Variants in DPP10 observed in about 807,000 individuals in gnomAD.
DPP10 encodes the protein inactive dipeptidyl peptidase 10.
In DPP10, 33 loss-of-function variants were observed where a neutral mutation model predicts 120.9. The observed-to-expected ratio is 0.27, with a 90% CI of 0.21 to 0.37. The LOEUF is 0.37. DPP10 is among the 10% of genes least tolerant of loss of function. The pLI, the probability that DPP10 is intolerant of heterozygous loss-of-function variation, is 1.00. For missense variants in DPP10, 816 were observed against 942.8 expected (o/e 0.87, Z 1.76); for synonymous variants, 337 against 326.1 (o/e 1.03, Z -0.36).
intron 1 of DPP10, among the ~76,000 whole-genome samples, chr2:115,229,459 G>A (rs2057621957): frequency 6.6e-6 from 1 of 152,078 alleles, no homozygotes; most frequent in Admixed American, 6.6e-5. Context: ...CAACTACAAT[G>A]TCCTGATTCC....
intron 1 of DPP10, among the ~76,000 whole-genome samples, chr2:115,292,466 G>A (rs1213834542): frequency 6.6e-6 from 1 of 152,042 alleles, no homozygotes; most frequent in Non-Finnish European, 1.5e-5. Flanking sequence ...CTTTTCTCAT[G>A]TCTCCATACT....
intron 1 of DPP10, among the ~76,000 whole-genome samples, chr2:115,092,304 G>T (rs2104566391): frequency 6.6e-6 from 1 of 152,148 alleles, no homozygotes; most frequent in Non-Finnish European, 1.5e-5. Flanking sequence ...CTCATTTCCA[G>T]AATGCTCTTG....
At chr2:115,621,809 C>T (rs1051408452) in intron 5 of DPP10, among the ~76,000 whole-genome samples, 1 of 152,104 alleles carries the variant, frequency 6.6e-6, no homozygotes, top group African/African-American at 2.4e-5. Flanking sequence ...TCCCAAGTAG[C>T]TGGGATTACA....
intron 1 of DPP10, among the ~76,000 whole-genome samples, chr2:114,891,243 C>G (rs1457715332): frequency 6.6e-6 from 1 of 152,008 alleles, no homozygotes; most frequent in Non-Finnish European, 1.5e-5. Context: ...AGACTAGCGT[C>G]AAGTGGGAGA....
At chr2:114,530,359 G>A (rs1219950120) in intron 1 of DPP10, among the ~76,000 whole-genome samples, 1 of 151,968 alleles carries the variant, frequency 6.6e-6, no homozygotes. Flanking sequence ...AGGCCAACCA[G>A]GACAGCAAAA....
At chr2:115,378,362 G>A (rs199733809) in intron 3 of DPP10, among the ~76,000 whole-genome samples, 7,015 of 150,052 alleles carry the variant, frequency 0.047, 241 homozygotes, top group Middle Eastern at 0.094. Flanking sequence ...TTTGTCTGTT[G>A]TTGGTGTATA....
chr2:115,368,648 G>A (rs1182491104), intron 3 of DPP10, among the ~76,000 whole-genome samples: 1 of 151,924 alleles, frequency 6.6e-6, no homozygotes, highest in Non-Finnish European at 1.5e-5. Context: ...CTAGATTAAA[G>A]TGTGGCAATT....
At chr2:115,289,499 A>ATTAGG (rs1192135414) in intron 1 of DPP10, among the ~76,000 whole-genome samples, 1 of 12,258 alleles carries the variant, frequency 8.2e-5, no homozygotes, top group African/African-American at 1.7e-4. Context: ...AAAAAAAAAA[A>ATTAGG]AAAAAGGAAG....
intron 1 of DPP10, among the ~76,000 whole-genome samples, chr2:115,242,975 T>A (rs890499350): frequency 6.6e-6 from 1 of 152,192 alleles, no homozygotes; most frequent in Admixed American, 6.6e-5. Flanking sequence ...TGGTGATACT[T>A]CTATCACTCA....
chr2:114,822,411 T>G (rs2106361740), intron 1 of DPP10, among the ~76,000 whole-genome samples: 1 of 152,214 alleles, frequency 6.6e-6, no homozygotes, highest in East Asian at 1.9e-4. Context: ...AGACCATTTT[T>G]TCCTCTTAGC....
At chr2:115,233,627 C>T (rs185090318) in intron 1 of DPP10, among the ~76,000 whole-genome samples, 4 of 152,122 alleles carry the variant, frequency 2.6e-5, no homozygotes, top group Admixed American at 6.6e-5. Context: ...GATAGTTTTT[C>T]TTAGGGACTC....
intron 1 of DPP10, among the ~76,000 whole-genome samples, chr2:114,851,319 G>A (rs1278217874): frequency 6.6e-6 from 1 of 152,056 alleles, no homozygotes; most frequent in Non-Finnish European, 1.5e-5. Flanking sequence ...GTTACTGAAG[G>A]CAACCCTAAT....
chr2:115,318,091 C>T (rs1220147952), intron 2 of DPP10, among the ~76,000 whole-genome samples: 1 of 151,862 alleles, frequency 6.6e-6, no homozygotes, highest in African/African-American at 2.4e-5. Context: ...CTACATGGGT[C>T]ATTGATTCAT....
intron 3 of DPP10, among the ~76,000 whole-genome samples, chr2:115,379,984 A>G (rs539869733): frequency 4.7e-4 from 71 of 152,260 alleles, no homozygotes; most frequent in Middle Eastern, 3.4e-3. Flanking sequence ...TATGTGGTCA[A>G]TTTTGGAATC....
At chr2:114,632,571 G>A (rs912766203) in intron 1 of DPP10, among the ~76,000 whole-genome samples, 1 of 132,672 alleles carries the variant, frequency 7.5e-6, no homozygotes, top group African/African-American at 2.8e-5. Context: ...GGAGTGTAGT[G>A]GTGCGATCTC....
intron 1 of DPP10, among the ~76,000 whole-genome samples, chr2:114,500,722 G>A (rs1683083221): frequency 6.6e-6 from 1 of 152,184 alleles, no homozygotes; most frequent in Non-Finnish European, 1.5e-5. Flanking sequence ...AGGCAAGACT[G>A]AAAGGAAAAT....
chr2:115,604,478 A>G (rs6542273), intron 5 of DPP10, among the ~76,000 whole-genome samples: 150,479 of 152,276 alleles, frequency 0.99, 74,380 homozygotes, highest in East Asian at 1. Context: ...AGCTCATTCA[A>G]TAGAACATAA....
intron 1 of DPP10, among the ~76,000 whole-genome samples, chr2:114,639,903 TG>T (rs1298809837): frequency 2.0e-5 from 3 of 152,072 alleles, no homozygotes; most frequent in Admixed American, 6.5e-5. Context: ...AGTTGACATC[TG>T]GAATTAAAAT....
At chr2:114,494,464 T>G (rs956359053) in intron 1 of DPP10, among the ~76,000 whole-genome samples, 1 of 152,080 alleles carries the variant, frequency 6.6e-6, no homozygotes, top group African/African-American at 2.4e-5. Flanking sequence ...GGAAGCAGCA[T>G]GTGAAAAGGA....
Sources: gnomAD v4.1 joint callset for allele counts (sites outside exome capture counted in the v4.1 genomes callset) on GRCh38, gnomAD v4.1.1 for gene constraint, MANE v1.5 for transcripts, NCBI Gene and HGNC (gene_info 2026-07-23, HGNC 2026-07-21) for gene names.